The following TRANK1 variants were observed in gnomAD, a reference collection of about 807,000 sequenced individuals.
TRANK1 encodes the protein tetratricopeptide repeat and ankyrin repeat containing 1.
In TRANK1, 198 loss-of-function variants were observed where a neutral mutation model predicts 266.0. The ratio of observed to expected loss-of-function variants is 0.74; its 90% CI spans 0.66 to 0.84. The LOEUF is 0.84. Among genes scored for constraint, TRANK1 ranks in the 40% least tolerant of loss-of-function variants. TRANK1 has a pLI of 0.00. For synonymous variants in TRANK1, 1,396 were observed against 1,384.1 expected (o/e 1.01, Z -0.19); for missense variants, 3,326 against 3,634.6 (o/e 0.92, Z 2.18).
chr3:36,843,834 C>T lies in TRANK1; in HGVS notation c.5192-1124G>A, dbSNP rs77494723. On this transcript the variant is annotated intron_variant, in intron 17 of 23. Coordinates refer to ENST00000645898, the MANE Select transcript of TRANK1 (RefSeq NM_001329998.2). ...CATCACAACCTGATCCCTCCCTGCT[C>T]GCCCTCTGCTGGTGCTGTGTAGCAG... 7.2e-4 allele frequency among the ~76,000 whole-genome samples: 110 copies of T among 152,228 alleles called. 5 individuals carry two copies. In the East Asian group the frequency reaches 0.017, roughly 24 times the overall value.
rs1559448761 is a variant in TRANK1 at position 36,879,794 on chromosome 3, ATAAATATACAAATATATG to A, written c.908-5516_908-5499del. Among the ~76,000 whole-genome samples the A allele has an allele frequency of 3.5e-3, 164 of 46,900 alleles. 19 individuals carry two copies. Among genetic ancestry groups the A allele is most frequent in the Middle Eastern group, 0.031 (1 of 32 alleles). 30.8% of individuals were successfully genotyped at this position (46,900 alleles called of 152,430 possible). A position where few individuals can be genotyped will look rare whatever the true frequency, so the allele number is the denominator to read the frequency against. ...TAAATATATATAAATATGTAAATAT[ATAAATATACAAATATATG>A]TAAATATACAAATATATGTAAATAT... On this transcript the variant is annotated intron_variant, in intron 8 of 23. Transcript: ENST00000645898.
chr3:36,883,703 C>A (rs11129740), intron 8 of TRANK1, among the ~76,000 whole-genome samples: 50,096 of 151,904 alleles, frequency 0.33, 9,256 homozygotes, highest in East Asian at 0.56. Context: ...AAGGATGAGA[C>A]GGAAGTGACA....
chr3:36,876,835 G>A (rs1236010733), intron 8 of TRANK1, among the ~76,000 whole-genome samples: 1 of 152,180 alleles, frequency 6.6e-6, no homozygotes, highest in Non-Finnish European at 1.5e-5. Flanking sequence ...CAGTTTGAGT[G>A]TAGCTTCTAA....
rs1189765515 is a variant in TRANK1 at position 36,866,209 on chromosome 3, A to AAGAGAGC, written c.1079-1736_1079-1730dup. ...TAAAATGGAATCTTACTGAACAGAT[A>AAGAGAGC]AGAGAGCAGAACTGGACATTTATTT... On this transcript the variant is annotated intron_variant, in intron 9 of 23. Transcript: ENST00000645898. 4.6e-5 allele frequency among the ~76,000 whole-genome samples: 7 copies of AAGAGAGC among 152,348 alleles called. No homozygotes were observed. The East Asian group carries it at 1.2e-3, about 25-fold the overall frequency.
chr3:36,928,750 TC>T (rs1303366147), intron 1 of TRANK1, among the ~76,000 whole-genome samples: 1 of 152,136 alleles, frequency 6.6e-6, no homozygotes, highest in Non-Finnish European at 1.5e-5. Flanking sequence ...TGAACTAATG[TC>T]CTTATATTTT....
At chr3:36,830,671 C>G (rs1223874317) in intron 22 of TRANK1, among the ~76,000 whole-genome samples, 1 of 152,172 alleles carries the variant, frequency 6.6e-6, no homozygotes, top group Non-Finnish European at 1.5e-5. Context: ...AGGATAATGA[C>G]AAACTTTTAA....
Position 36,827,251 on chromosome 3 carries a change from C to T in TRANK1, c.*1024G>A, listed in dbSNP as rs1372632907. ...CTGCAAACGGGCCCAGATCCGCCCT[C>T]TTATAAGGCCTGCCAGCCAAGTGGC... On this transcript the variant is annotated 3_prime_UTR_variant, in exon 24 of 24. Transcript: ENST00000645898. The T allele has an allele frequency of 6.6e-6, 1 of 152,282 alleles. No individual in the cohort carries two copies. Among genetic ancestry groups the T allele is most frequent in the Non-Finnish European group, 1.5e-5 (1 of 68,088 alleles). 9.4% of individuals were successfully genotyped at this position (152,282 alleles called of 1,614,324 possible). A position where few individuals can be genotyped will look rare whatever the true frequency, so the allele number is the denominator to read the frequency against.
chr3:36,859,690 T>C (rs1003964034), intron 11 of TRANK1, among the ~76,000 whole-genome samples: 4 of 152,140 alleles, frequency 2.6e-5, no homozygotes, highest in Non-Finnish European at 4.4e-5. Context: ...CTCCACACAC[T>C]TCCAGCAGCT....
At chr3:36,841,878 T>C (rs9821223) in intron 18 of TRANK1, among the ~76,000 whole-genome samples, 53,993 of 150,218 alleles carry the variant, frequency 0.36, 10,014 homozygotes, top group African/African-American at 0.42. Flanking sequence ...CCCTAAGACC[T>C]GACTTGTTGT....
chr3:36,856,240 C>T lies in TRANK1; in HGVS notation c.3482G>A (p.Cys1161Tyr), dbSNP rs780373072. The T allele has an allele frequency of 1.2e-6, 2 of 1,613,130 alleles. No homozygotes were observed. Among genetic ancestry groups the T allele is most frequent in the South Asian group, 2.2e-5 (2 of 91,006 alleles). The change falls in exon 13 of 24, where the codon TGC becomes TAC. Residue 1161 changes from cysteine to tyrosine, a missense_variant. Transcript: ENST00000645898. Reference protein sequence around the residue: ...ESIDEQEYEACAGGAGVEPAG... With the variant: ...ESIDEQEYEAYAGGAGVEPAG... ...TGGCTCCACACCGGCTCCTCCTGCG[C>T]AGGCTTCATACTCCTGCTCATCTAT...
At position 36,892,913 on chromosome 3, in the gene TRANK1, T is replaced by C; in HGVS notation, c.624A>G (p.Lys208=). Residue 208 remains lysine, a synonymous_variant, in exon 6 of 24, where the codon AAA becomes AAG. Coordinates refer to ENST00000645898, the MANE Select transcript of TRANK1 (RefSeq NM_001329998.2). ...TATATCACCTTACCTCAAAGAGACT[T>C]TTCAGTGATAACTCTGGGACATGAA... The part of the protein sequence containing the change: ...RNIHVPELSL[K]SLFEKYVFIG... 6.7e-7 allele frequency: 1 copy of C among 1,482,016 alleles called. No homozygotes were observed. Among genetic ancestry groups the C allele is most frequent in the Non-Finnish European group, 8.9e-7 (1 of 1,123,666 alleles). 91.8% of individuals were successfully genotyped at this position (1,482,016 alleles called of 1,614,324 possible).
At chr3:36,860,824 G>T in intron 11 of TRANK1, 82 bp downstream of exon 11, 1 of 1,496,488 alleles carries the variant, frequency 6.7e-7, no homozygotes, top group Non-Finnish European at 8.9e-7. Context: ...CCAAAAGCAA[G>T]GGAAAGGCAG....
chr3:36,851,680 T>C (rs377360958), intron 15 of TRANK1, 39 bp downstream of exon 15: 2 of 1,588,814 alleles, frequency 1.3e-6, no homozygotes, highest in Non-Finnish European at 1.7e-6. Context: ...AGCTCATACA[T>C]AAATATTCAT....
chr3:36,879,017 A>G (rs1038591366), intron 8 of TRANK1, among the ~76,000 whole-genome samples: 2 of 152,098 alleles, frequency 1.3e-5, no homozygotes, highest in African/African-American at 4.8e-5. Context: ...ATTAATTAGA[A>G]TCATTTATTT....
At chr3:36,860,231 C>T (rs2079123099) in intron 11 of TRANK1, among the ~76,000 whole-genome samples, 1 of 152,154 alleles carries the variant, frequency 6.6e-6, no homozygotes, top group Non-Finnish European at 1.5e-5. Context: ...TATTTATTCC[C>T]ATTTTACCAA....
At chr3:36,906,933 A>G (rs1256148980) in intron 2 of TRANK1, among the ~76,000 whole-genome samples, 1 of 152,208 alleles carries the variant, frequency 6.6e-6, no homozygotes, top group African/African-American at 2.4e-5. Flanking sequence ...TAATTAAGAC[A>G]TAATGTGCCT....
intron 1 of TRANK1, among the ~76,000 whole-genome samples, chr3:36,934,615 G>A (rs151258074): frequency 9.2e-5 from 14 of 152,216 alleles, no homozygotes; most frequent in South Asian, 2.1e-4. Context: ...ATTCCTTCCT[G>A]TAGTACCTGA....
chr3:36,859,344 C>T (rs540492287), intron 11 of TRANK1, among the ~76,000 whole-genome samples: 1 of 151,436 alleles, frequency 6.6e-6, no homozygotes, highest in African/African-American at 2.4e-5. Flanking sequence ...TAGGTATACA[C>T]GTGTCATGGT....
At position 36,857,398 on chromosome 3, in the gene TRANK1, G is replaced by A; in HGVS notation, c.2324C>T (p.Thr775Ile). The change falls in exon 13 of 24, where the codon ACT (threonine) becomes ATT (isoleucine). Residue 775 changes from threonine to isoleucine, a missense_variant. Physicochemically the swap from Thr to Ile is moderately conservative, Grantham distance 89. Transcript: ENST00000645898. This position sits in a 1 kb window ranked among gnomAD's most constrained non-coding sequence, Gnocchi z 4.3. ...GKEGKKDDKP[T>I]LGAGAPDCSE... ...ACAGTCAGGGGCCCCTGCACCCAGA[G>A]TCGGCTTGTCATCTTTCTTTCCTTC... 6 of 1,612,966 alleles carry A rather than the reference G, an allele frequency of 3.7e-6. No homozygotes were observed. Among genetic ancestry groups the A allele is most frequent in the Non-Finnish European group, 5.1e-6 (6 of 1,179,338 alleles).
Sources: allele counts gnomAD v4.1 joint callset (sites outside exome capture counted in the v4.1 genomes callset), GRCh38; gene constraint gnomAD v4.1.1; non-coding constraint Gnocchi (gnomAD v3.1); transcripts MANE v1.5; gene names NCBI Gene and HGNC (gene_info 2026-07-23, HGNC 2026-07-21).